SEMA4A: variants seen among roughly 807,000 people sequenced by gnomAD.
SEMA4A encodes the protein semaphorin-4A.
A neutral mutation model predicts 72.5 loss-of-function variants in SEMA4A; 52 were observed. The ratio of observed to expected loss-of-function variants is 0.72; its 90% confidence interval spans 0.57 to 0.90. The LOEUF is 0.90. Ranked by LOEUF, SEMA4A falls within the 40% of genes least tolerant of loss-of-function variation. The pLI, the probability that SEMA4A is intolerant of heterozygous loss-of-function variation, is 0.00. For missense variants in SEMA4A, 926 were observed against 959.7 expected (o/e 0.96, Z 0.46); for synonymous variants, 369 against 393.1 (o/e 0.94, Z 0.73).
intron 11 of SEMA4A, 87 bp downstream of exon 11, chr1:156,173,093 C>G (rs1448707968): frequency 1.5e-6 from 2 of 1,313,032 alleles, no homozygotes; most frequent in Non-Finnish European, 2.2e-6. Context: ...AGTTCATTCA[C>G]TTATTCATTC....
chr1:156,158,628 T>C, intron 5 of SEMA4A, 91 bp from the exon 6 acceptor site: 1 of 1,333,606 alleles, frequency 7.5e-7, no homozygotes, highest in Non-Finnish European at 1.1e-6. Flanking sequence ...CCAATTTCCC[T>C]CTATGTCCCT....
Position 156,158,075 on chromosome 1 carries a change from G to A in SEMA4A, c.306G>A (p.Pro102=), listed in dbSNP as rs751429275. ...TCCCAACTCCCCACTTTCAGATACCGTGGCCAGCCAGTGACAGAAAAAAGA... is the reference window on the plus strand; with the variant it reads ...TCCCAACTCCCCACTTTCAGATACCATGGCCAGCCAGTGACAGAAAAAAGA... The part of the protein sequence containing the change: ...PGVPRLKNMI[P]WPASDRKKSE... Residue 102 remains proline (P), a synonymous_variant, in exon 4 of 15, where the codon CCG becomes CCA. Coordinates refer to ENST00000368285, the MANE Select transcript of SEMA4A (RefSeq NM_022367.4). 6.2e-6 allele frequency: 10 copies of A among 1,613,952 alleles called. No individual in the cohort carries two copies. The highest frequency in any genetic ancestry group is 4.4e-5 in the South Asian group (4 of 91,070).
rs1652802717 is a variant in SEMA4A at position 156,154,397 on chromosome 1, G to GGGCC, written c.-29-152_-29-149dup. ...GGATGATGAAAGTGAGACCGTCTTAGGGCCCTTCCAGATAGGGAACCTTCT... is the reference window on the plus strand; with the variant it reads ...GGATGATGAAAGTGAGACCGTCTTAGGGCCGGCCCTTCCAGATAGGGAACCTTCT... On this transcript the variant is annotated intron_variant, in intron 1 of 14. Coordinates refer to ENST00000368285, the MANE Select transcript of SEMA4A (RefSeq NM_022367.4). 4.5e-6 allele frequency: 3 copies of GGGCC among 672,524 alleles called. No individual in the cohort carries two copies. The Admixed American group carries it at 7.5e-5, about 17-fold the overall frequency. 41.7% of individuals were successfully genotyped at this position (672,524 alleles called of 1,614,324 possible). A position where few individuals can be genotyped will look rare whatever the true frequency, so the allele number is the denominator to read the frequency against.
intron 10 of SEMA4A, among the ~76,000 whole-genome samples, chr1:156,172,529 A>G (rs1180132319): frequency 6.6e-6 from 1 of 152,158 alleles, no homozygotes; most frequent in East Asian, 1.9e-4. Flanking sequence ...ACATTTGCTG[A>G]GTGCTTGCTT....
At chr1:156,164,134 T>TATATGTACATGATTTGAAGA (rs1653948425) in intron 10 of SEMA4A, among the ~76,000 whole-genome samples, 1 of 151,808 alleles carries the variant, frequency 6.6e-6, no homozygotes, top group South Asian at 2.1e-4. Context: ...TCAGAGCTAT[T>TATATGTACATGATTTGAAGA]ATATGTACAT....
upstream of SEMA4A, among the ~76,000 whole-genome samples, chr1:156,149,045 G>A (rs1356190969): frequency 1.3e-5 from 2 of 151,948 alleles, no homozygotes; most frequent in Non-Finnish European, 1.5e-5. Context: ...CAGGTGATCC[G>A]CCAGCCTCAG....
At position 156,172,878 on chromosome 1, in the gene SEMA4A, T is replaced by C; in HGVS notation, c.1187T>C (p.Phe396Ser). ...DKALTFMKDHFLMDEQVVGTP... is the reference protein window; with the variant it reads ...DKALTFMKDHSLMDEQVVGTP... ...GCCCTGACCTTCATGAAGGACCATT[T>C]CCTGATGGATGAGCAAGTGGTGGGG... Residue 396 changes from phenylalanine (F) to serine (S), a missense_variant, in exon 11 of 15, where the codon TTC becomes TCC. Transcript: ENST00000368285. The C allele has an allele frequency of 2.5e-6, 4 of 1,614,136 alleles. No homozygotes were observed. Among genetic ancestry groups the C allele is most frequent in the Non-Finnish European group, 3.4e-6 (4 of 1,180,010 alleles).
chr1:156,164,962 A>T (rs1398095885), intron 10 of SEMA4A, among the ~76,000 whole-genome samples: 1 of 151,744 alleles, frequency 6.6e-6, no homozygotes, highest in African/African-American at 2.4e-5. Context: ...CACCACACCC[A>T]GCTAATTTTT....
chr1:156,170,395 G>A (rs1425151234), intron 10 of SEMA4A, among the ~76,000 whole-genome samples: 7 of 146,218 alleles, frequency 4.8e-5, no homozygotes, highest in African/African-American at 5.1e-5. Context: ...TTCTCCAGGC[G>A]GAGGTTGCGG....
At chr1:156,159,405 C>CAG (rs1370380286) in intron 6 of SEMA4A, among the ~76,000 whole-genome samples, 1 of 152,010 alleles carries the variant, frequency 6.6e-6, no homozygotes, top group African/African-American at 2.4e-5. Flanking sequence ...AACACAAGAT[C>CAG]AGAGGGAGAA....
chr1:156,176,454 C>A lies in SEMA4A; in HGVS notation c.1743C>A (p.Pro581=), dbSNP rs1270191925. The A allele has an allele frequency of 6.2e-7, 1 of 1,614,050 alleles. No individual in the cohort carries two copies. Among genetic ancestry groups the A allele is most frequent in the African/African-American group, 1.3e-5 (1 of 74,900 alleles). Residue 581 remains proline, a synonymous_variant, in exon 15 of 15, where the codon CCC becomes CCA. Coordinates refer to ENST00000368285, the MANE Select transcript of SEMA4A (RefSeq NM_022367.4). ...ACTCCATCCTGGAGCTCCCCTGCCC[C>A]CACCTGTCAGCCTTGGCCTCTTATT... ...VPNSILELPC[P]HLSALASYYW...
chr1:156,149,225 A>G (rs1652345651), upstream of SEMA4A, among the ~76,000 whole-genome samples: 1 of 152,216 alleles, frequency 6.6e-6, no homozygotes, highest in African/African-American at 2.4e-5. Flanking sequence ...TTGGCTCTCA[A>G]AAAGGCTCCA....
chr1:156,163,421 T>A, intron 10 of SEMA4A: 1 of 331,240 alleles, frequency 3.0e-6, no homozygotes, highest in Admixed American at 4.4e-5. Context: ...TTTAACTTTT[T>A]AAAAAAATCA....
intron 10 of SEMA4A, among the ~76,000 whole-genome samples, chr1:156,167,534 C>T (rs1654291527): frequency 6.6e-6 from 1 of 151,298 alleles, no homozygotes; most frequent in African/African-American, 2.4e-5. Flanking sequence ...TTTACATAAT[C>T]CCTTTCCATC....
chr1:156,175,626 A>G lies in SEMA4A; in HGVS notation c.1663A>G (p.Ser555Gly), dbSNP rs758785275. ...WACASGPMSR[S>G]LRPQSRPQII... ...ATGTGCCAGTGGCCCCATGAGCAGG[A>G]GCCTTCGGCCTCAGAGCCGCCCGCA... The change falls in exon 14 of 15, where the codon AGC becomes GGC. Residue 555 changes from serine (S) to glycine (G), a missense_variant. Physicochemically the swap from Ser to Gly is moderately conservative, Grantham distance 56. Transcript: ENST00000368285. The G allele has an allele frequency of 4.3e-6, 7 of 1,611,864 alleles. No homozygotes were observed. In the South Asian group the frequency reaches 7.7e-5, roughly 18 times the overall value.
intron 9 of SEMA4A, among the ~76,000 whole-genome samples, chr1:156,162,255 G>A (rs1004732634): frequency 1.1e-4 from 16 of 152,140 alleles, no homozygotes; most frequent in South Asian, 2.1e-4. Flanking sequence ...GTGAGACTCC[G>A]TCTCAAAAAA....
chr1:156,149,420 C>T (rs913061166), upstream of SEMA4A, among the ~76,000 whole-genome samples: 1 of 152,210 alleles, frequency 6.6e-6, no homozygotes, highest in African/African-American at 2.4e-5. Context: ...GGGGGAGCCA[C>T]CTTCTTCTCA....
At chr1:156,147,672 A>G (rs1476807379), upstream of SEMA4A, among the ~76,000 whole-genome samples, 1 of 151,992 alleles carries the variant, frequency 6.6e-6, no homozygotes, top group African/African-American at 2.4e-5. Flanking sequence ...CATTTCCCCA[A>G]GACCTTCATT....
intron 10 of SEMA4A, among the ~76,000 whole-genome samples, chr1:156,164,723 G>C (rs889401135): frequency 2.0e-5 from 3 of 151,864 alleles, no homozygotes; most frequent in African/African-American, 7.3e-5. Flanking sequence ...TTTCCTTTTT[G>C]CATAGTTTTG....
Sources: gnomAD v4.1 joint callset for allele counts (sites outside exome capture counted in the v4.1 genomes callset) on GRCh38, gnomAD v4.1.1 for gene constraint, MANE v1.5 for transcripts, NCBI Gene and HGNC (gene_info 2026-07-23, HGNC 2026-07-21) for gene names.